KAT6A: variants seen among roughly 807,000 people sequenced by gnomAD.
The protein encoded by KAT6A is lysine acetyltransferase 6A.
Under a neutral mutation model 198.4 loss-of-function variants are expected in KAT6A, and 9 were observed. That is an observed-to-expected ratio of 0.05 (90% confidence interval 0.03 to 0.08). The LOEUF is 0.08. KAT6A is among the 10% of genes least tolerant of loss of function. The pLI, the probability that KAT6A is intolerant of heterozygous loss-of-function variation, is 1.00. For missense variants in KAT6A, 2,077 were observed against 2,509.9 expected, an observed-to-expected ratio of 0.83 and a Z score of 3.69; for synonymous variants, 890 against 883.0, an observed-to-expected ratio of 1.01 and a Z score of -0.14.
chr8:42,002,289 G>T (rs181028474), intron 2 of KAT6A, among the ~76,000 whole-genome samples: 1 of 152,290 alleles, frequency 6.6e-6, no homozygotes, highest in Non-Finnish European at 1.5e-5. Flanking sequence ...TCAACCTGAT[G>T]TACTGTCTCT....
chr8:41,965,659 T>C (rs1564027297), intron 8 of KAT6A, among the ~76,000 whole-genome samples: 2 of 152,192 alleles, frequency 1.3e-5, no homozygotes, highest in Admixed American at 6.5e-5. Flanking sequence ...CATTGCACCA[T>C]GCAAAGTGAG....
chr8:41,957,054 G>C (rs1261109813), intron 8 of KAT6A: 1 of 593,078 alleles, frequency 1.7e-6, no homozygotes, highest in African/African-American at 1.8e-5. Flanking sequence ...TGCACCTGCT[G>C]CGGCACTGTC....
intron 1 of KAT6A, among the ~76,000 whole-genome samples, chr8:42,051,305 G>A (rs893511902): frequency 1.3e-5 from 2 of 151,718 alleles, no homozygotes; most frequent in African/African-American, 2.4e-5. Context: ...CACGTGCTGC[G>A]CCTCGCACCA....
At chr8:41,990,329 T>C (rs1311440763) in intron 2 of KAT6A, among the ~76,000 whole-genome samples, 4 of 152,158 alleles carry the variant, frequency 2.6e-5, no homozygotes, top group African/African-American at 9.7e-5. Context: ...TATTAAAAGA[T>C]AAAATTGTCA....
intron 4 of KAT6A, among the ~76,000 whole-genome samples, chr8:41,981,503 T>C (rs1244215140): frequency 1.3e-5 from 2 of 152,218 alleles, no homozygotes; most frequent in Non-Finnish European, 2.9e-5. Flanking sequence ...TCTGCTTTAA[T>C]AATGAGAAAA....
At chr8:41,971,848 G>C (rs1823810996) in intron 8 of KAT6A, among the ~76,000 whole-genome samples, 1 of 151,962 alleles carries the variant, frequency 6.6e-6, no homozygotes, top group South Asian at 2.1e-4. Context: ...ATATTCTGAA[G>C]GCAGAACCAT....
At position 41,943,737 on chromosome 8, in the gene KAT6A, G is replaced by C; in HGVS notation, c.2228+11C>G. 1 of 1,589,588 alleles carries C rather than the reference G, an allele frequency of 6.3e-7. No individual in the cohort carries two copies. Among genetic ancestry groups the C allele is most frequent in the Non-Finnish European group, 8.6e-7 (1 of 1,158,058 alleles). ...ATCTTTCAAAGGTATACAAAAAGAT[G>C]TGATACTCACTGGTCACTACGGAAG... On this transcript the variant is annotated intron_variant, in intron 13 of 16. Transcript: ENST00000265713.
At chr8:42,038,217 T>C (rs1827472643) in intron 2 of KAT6A, among the ~76,000 whole-genome samples, 1 of 152,184 alleles carries the variant, frequency 6.6e-6, no homozygotes, top group African/African-American at 2.4e-5. Context: ...TTCCCAAAAC[T>C]CAAGGAGTAC....
chr8:42,024,098 AATG>A (rs1391729243), intron 2 of KAT6A, among the ~76,000 whole-genome samples: 2 of 152,312 alleles, frequency 1.3e-5, no homozygotes, highest in Admixed American at 6.5e-5. Context: ...ACTCTAAAAT[AATG>A]ATAACAACTA....
intron 2 of KAT6A, among the ~76,000 whole-genome samples, chr8:42,023,781 C>G (rs1268489618): frequency 6.6e-6 from 1 of 151,680 alleles, no homozygotes; most frequent in Non-Finnish European, 1.5e-5. Flanking sequence ...GCCACCACGC[C>G]CAGCCTACTT....
rs1314597446 is a variant in KAT6A, at chr8:41,981,832, TACTC to T, written c.825+3_825+6del. On this transcript the variant is annotated splice_donor_5th_base_variant and intron_variant, in intron 4 of 16. Coordinates refer to ENST00000265713, the MANE Select transcript of KAT6A (RefSeq NM_006766.5). The stretch of plus-strand genomic sequence containing the variant: ...AAACACCCATATTAGAAGGCAGAGA[TACTC>T]ACCGCATTTTTGCCTTGATCTCGAC... 3 of 1,556,916 alleles carry T rather than the reference TACTC, an allele frequency of 1.9e-6. No homozygotes were observed.
chr8:42,004,600 A>G (rs1006896448), intron 2 of KAT6A, among the ~76,000 whole-genome samples: 4 of 152,132 alleles, frequency 2.6e-5, no homozygotes, highest in Admixed American at 2.0e-4. Flanking sequence ...TTTTCTAGAA[A>G]TGACTATTCA....
intron 11 of KAT6A, among the ~76,000 whole-genome samples, chr8:41,946,955 T>C (rs2150865833): frequency 6.6e-6 from 1 of 152,234 alleles, no homozygotes; most frequent in Middle Eastern, 3.4e-3. Context: ...AGTACGCCAA[T>C]GCCTAAGGAT....
In KAT6A at chr8:42,040,394, GAGTAA is replaced by G. The variant is rs377525115; in HGVS notation, c.600+7979_600+7983del. ...ACCAATTGGAAGGTAGACCAAGAAA[GAGTAA>G]AGTACTTATTCGCTAGAAAAATGTC... On this transcript the variant is annotated intron_variant, in intron 2 of 16. Coordinates refer to ENST00000265713, the MANE Select transcript of KAT6A (RefSeq NM_006766.5). Among the ~76,000 whole-genome samples, 7 of 152,232 alleles carry G rather than the reference GAGTAA, an allele frequency of 4.6e-5. No homozygotes were observed. The East Asian group carries it at 1.4e-3, about 29-fold the overall frequency.
rs1375836715 is a variant in KAT6A at position 41,931,744 on chromosome 8, G to C, written c.*461C>G. 1 of 199,146 alleles carries C rather than the reference G, an allele frequency of 5.0e-6. No individual in the cohort carries two copies. The highest frequency in any genetic ancestry group is 1.0e-5 in the Non-Finnish European group (1 of 96,194). 12.3% of individuals were successfully genotyped at this position (199,146 alleles called of 1,614,324 possible). On this transcript the variant is annotated 3_prime_UTR_variant, in exon 17 of 17. Coordinates refer to ENST00000265713, the MANE Select transcript of KAT6A (RefSeq NM_006766.5). ...CTCCTGCTGGAATGAAGTAGGAAAT[G>C]AAAGGTTGGGTTTGGAGGAAAGGGT...
At chr8:42,010,771 CTGTT>C (rs1196544863) in intron 2 of KAT6A, among the ~76,000 whole-genome samples, 3 of 152,206 alleles carry the variant, frequency 2.0e-5, no homozygotes, top group Non-Finnish European at 4.4e-5. Context: ...GCATTATAAA[CTGTT>C]TGTGCTCTAC....
chr8:42,004,437 A>G (rs1335137553), intron 2 of KAT6A, among the ~76,000 whole-genome samples: 1 of 152,224 alleles, frequency 6.6e-6, no homozygotes, highest in African/African-American at 2.4e-5. Context: ...CAGACTCTGC[A>G]AAGAATGAAA....
chr8:42,011,459 C>G (rs995922060), intron 2 of KAT6A, among the ~76,000 whole-genome samples: 2 of 152,044 alleles, frequency 1.3e-5, no homozygotes, highest in African/African-American at 4.8e-5. Context: ...CTACTTCGGC[C>G]GGGTGCGGTG....
intron 2 of KAT6A, among the ~76,000 whole-genome samples, chr8:42,002,009 A>G (rs1023496896): frequency 1.3e-5 from 2 of 149,452 alleles, no homozygotes; most frequent in African/African-American, 4.9e-5. Flanking sequence ...AAAACGAGAG[A>G]TAAGACTAAA....
Sources: allele counts gnomAD v4.1 joint callset (sites outside exome capture counted in the v4.1 genomes callset), GRCh38; gene constraint gnomAD v4.1.1; transcripts MANE v1.5; gene names NCBI Gene and HGNC (gene_info 2026-07-23, HGNC 2026-07-21).